YAP1: variants seen among roughly 807,000 people sequenced by gnomAD.
The protein encoded by YAP1 is transcriptional coactivator YAP1.
Under a neutral mutation model 56.9 loss-of-function variants are expected in YAP1, and 5 were observed. The ratio of observed to expected loss-of-function variants is 0.09; its 90% CI spans 0.05 to 0.18. YAP1 has a LOEUF of 0.18. YAP1 is among the 10% of genes least tolerant of loss of function. YAP1 has a pLI of 1.00. For missense variants in YAP1, 539 were observed against 651.8 expected (o/e 0.83, Z 1.88); for synonymous variants, 265 against 248.1 (o/e 1.07, Z -0.64).
intron 2 of YAP1, among the ~76,000 whole-genome samples, chr11:102,120,319 A>C (rs1943571921): frequency 6.6e-6 from 1 of 152,232 alleles, no homozygotes; most frequent in Non-Finnish European, 1.5e-5. Context: ...GACAAGGAAA[A>C]TGGTCAGTAT....
At chr11:102,157,985 ACG>A (rs2135380890) in intron 2 of YAP1, among the ~76,000 whole-genome samples, 1 of 152,296 alleles carries the variant, frequency 6.6e-6, no homozygotes, top group African/African-American at 2.4e-5. Flanking sequence ...TCTATTTATA[ACG>A]TTTGTAGATT....
chr11:102,157,550 G>A (rs557215167), intron 2 of YAP1, among the ~76,000 whole-genome samples: 71 of 152,016 alleles, frequency 4.7e-4, no homozygotes, highest in Non-Finnish European at 6.3e-4. Context: ...TCTTCACACC[G>A]TTTTGTATTA....
At chr11:102,127,440 C>G (rs1296591656) in intron 2 of YAP1, among the ~76,000 whole-genome samples, 1 of 152,194 alleles carries the variant, frequency 6.6e-6, no homozygotes, top group Non-Finnish European at 1.5e-5. Flanking sequence ...GTTGGAAGCC[C>G]CAAGCCTTGG....
At chr11:102,209,058 T>C (rs1291410309) in intron 5 of YAP1, among the ~76,000 whole-genome samples, 1 of 152,228 alleles carries the variant, frequency 6.6e-6, no homozygotes, top group African/African-American at 2.4e-5. Flanking sequence ...TCTTTTCTTA[T>C]GTTGAAGTTG....
At chr11:102,199,819 T>A (rs566062412) in intron 4 of YAP1, among the ~76,000 whole-genome samples, 11 of 152,234 alleles carry the variant, frequency 7.2e-5, no homozygotes, top group Admixed American at 2.0e-4. Flanking sequence ...CAAAACACGC[T>A]CAATGGGAAA....
intron 3 of YAP1, among the ~76,000 whole-genome samples, 194 bp downstream of exon 3, chr11:102,162,765 G>T (rs755283844): frequency 6.6e-6 from 1 of 152,134 alleles, no homozygotes; most frequent in South Asian, 2.1e-4. Flanking sequence ...AGTTGTTAAC[G>T]CATAAGGGGG....
Position 102,114,327 on chromosome 11 carries a change from G to A in YAP1, c.505G>A (p.Asp169Asn), listed in dbSNP as rs1943145554. Reference protein sequence around the residue: ...HLRQSSFEIPDDVPLPAGWEM... With the variant: ...HLRQSSFEIPNDVPLPAGWEM... ...TCGACAGTCTTCTTTTGAGATACCTGATGATGTACCTCTGCCAGCAGGTTG... is the reference window on the plus strand; with the variant it reads ...TCGACAGTCTTCTTTTGAGATACCTAATGATGTACCTCTGCCAGCAGGTTG... Residue 169 changes from aspartate (D) to asparagine (N), a missense_variant, in exon 2 of 9, where the codon GAT (aspartate) becomes AAT (asparagine). Asp to Asn is a conservative substitution (Grantham distance 23, BLOSUM62 1). Around this residue, in one of 4 missense-constraint regions of YAP1, gnomAD observed 414 missense variants for 512.4 expected, o/e 0.81. Coordinates refer to ENST00000282441, the MANE Select transcript of YAP1 (RefSeq NM_001130145.3). 5.6e-6 allele frequency: 9 copies of A among 1,614,134 alleles called. No individual in the cohort carries two copies. The East Asian group carries it at 2.0e-4, about 36-fold the overall frequency.
At chr11:102,122,895 CAA>C (rs56934997) in intron 2 of YAP1, among the ~76,000 whole-genome samples, 1,079 of 79,444 alleles carry the variant, frequency 0.014, 13 homozygotes, top group African/African-American at 0.033. Flanking sequence ...AGACTTCTCT[CAA>C]AAAAAAAAAA....
chr11:102,185,890 C>G, intron 3 of YAP1, 128 bp from the exon 4 acceptor site: 1 of 955,930 alleles, frequency 1.0e-6, no homozygotes, highest in Non-Finnish European at 1.5e-6. Flanking sequence ...TGAACACAGC[C>G]TTAAATATGT....
chr11:102,126,510 C>T (rs1944043395), intron 2 of YAP1, among the ~76,000 whole-genome samples: 3 of 152,184 alleles, frequency 2.0e-5, no homozygotes, highest in Admixed American at 2.0e-4. Flanking sequence ...CCTCATTTCT[C>T]TCTTGCCCCC....
At chr11:102,227,630 G>A (rs1950256678) in intron 8 of YAP1, 49 bp downstream of exon 8, 1 of 1,228,812 alleles carries the variant, frequency 8.1e-7, no homozygotes. Context: ...AGTGGGATAT[G>A]TTATCACCAG....
At chr11:102,130,306 C>A (rs1944300783) in intron 2 of YAP1, among the ~76,000 whole-genome samples, 1 of 152,114 alleles carries the variant, frequency 6.6e-6, no homozygotes, top group Non-Finnish European at 1.5e-5. Flanking sequence ...TAGAAATGAG[C>A]TAAATAAATG....
chr11:102,210,179 T>C (rs1949326635), intron 6 of YAP1, among the ~76,000 whole-genome samples: 2 of 152,206 alleles, frequency 1.3e-5, no homozygotes, highest in South Asian at 4.1e-4. Flanking sequence ...CAATTTTTCT[T>C]CTAACACAGG....
chr11:102,163,858 A>G (rs1426816079), intron 3 of YAP1, among the ~76,000 whole-genome samples: 2 of 152,130 alleles, frequency 1.3e-5, no homozygotes, highest in Admixed American at 1.3e-4. Context: ...GGTGGGTTGA[A>G]CATTTGAGTT....
At chr11:102,125,525 C>T (rs752551586) in intron 2 of YAP1, among the ~76,000 whole-genome samples, 35 of 151,506 alleles carry the variant, frequency 2.3e-4, no homozygotes, top group Non-Finnish European at 4.7e-4. Flanking sequence ...TACAGGCATG[C>T]GTCATCATGC....
At chr11:102,141,531 C>T (rs1185075938) in intron 2 of YAP1, among the ~76,000 whole-genome samples, 1 of 151,864 alleles carries the variant, frequency 6.6e-6, no homozygotes, top group Non-Finnish European at 1.5e-5. Context: ...CTTAGGAACT[C>T]AGGAAAAAAA....
At chr11:102,220,331 A>T (rs1949863961) in intron 6 of YAP1, among the ~76,000 whole-genome samples, 1 of 152,172 alleles carries the variant, frequency 6.6e-6, no homozygotes, top group Non-Finnish European at 1.5e-5. Flanking sequence ...AAACAAAAAA[A>T]CCAATAAGTG....
intron 3 of YAP1, among the ~76,000 whole-genome samples, chr11:102,176,927 G>C (rs551977052): frequency 6.6e-6 from 1 of 152,086 alleles, no homozygotes; most frequent in South Asian, 2.1e-4. Flanking sequence ...TGGGAGGACT[G>C]AATGAATTAC....
intron 2 of YAP1, among the ~76,000 whole-genome samples, chr11:102,134,491 TTATA>T (rs1218482374): frequency 6.8e-6 from 1 of 147,944 alleles, no homozygotes; most frequent in Non-Finnish European, 1.5e-5. Flanking sequence ...ATATATTTAT[TTATA>T]TATGTATAAT....
Sources: allele counts gnomAD v4.1 joint callset (sites outside exome capture counted in the v4.1 genomes callset), GRCh38; gene constraint gnomAD v4.1.1; regional missense constraint gnomAD v4.1.1; transcripts MANE v1.5; gene names NCBI Gene and HGNC (gene_info 2026-07-23, HGNC 2026-07-21).